The following ART3 variants were observed in gnomAD, a reference collection of about 807,000 sequenced individuals.
ART3 encodes the protein ecto-ADP-ribosyltransferase 3.
A neutral mutation model predicts 48.5 loss-of-function variants in ART3; 49 were observed. That is an observed-to-expected ratio of 1.01 (90% CI 0.80 to 1.28). The LOEUF (loss-of-function observed/expected upper bound fraction) is 1.28, where lower values mean the gene tolerates loss of function less well. ART3 is among the 50% of genes most tolerant of loss of function. The pLI is 0.00. For synonymous variants in ART3, 145 were observed against 157.2 expected (o/e 0.92, Z 0.58); for missense variants, 438 against 454.3 (o/e 0.96, Z 0.33).
chr4:76,106,204 C>G, intron 10 of ART3: 1 of 985,446 alleles, frequency 1.0e-6, no homozygotes, highest in Non-Finnish European at 1.2e-6. Flanking sequence ...TTGTGCTACA[C>G]TTGTCTTCCA....
At chr4:76,072,199 A>G (rs1472459464), upstream of ART3, among the ~76,000 whole-genome samples, 1 of 152,210 alleles carries the variant, frequency 6.6e-6, no homozygotes, top group Non-Finnish European at 1.5e-5. Flanking sequence ...AAACACTTTA[A>G]CTGTATAATA....
chr4:76,036,460 T>C (rs1226944007), intron 1 of ART3, among the ~76,000 whole-genome samples: 2 of 152,116 alleles, frequency 1.3e-5, no homozygotes, highest in African/African-American at 4.8e-5. Context: ...TTTTTTATTA[T>C]CTCACTTTTG....
At chr4:76,014,564 C>G (rs1732089237) in intron 1 of ART3, among the ~76,000 whole-genome samples, 1 of 152,108 alleles carries the variant, frequency 6.6e-6, no homozygotes, top group Non-Finnish European at 1.5e-5. Flanking sequence ...GAGACACCAT[C>G]AAGTGGACCA....
At chr4:76,081,539 TG>T (rs1161649588) in intron 2 of ART3, among the ~76,000 whole-genome samples, 1 of 152,216 alleles carries the variant, frequency 6.6e-6, no homozygotes, top group Non-Finnish European at 1.5e-5. Flanking sequence ...TCACATCCAT[TG>T]TTCTTTGCTC....
At chr4:76,102,892 A>G (rs1195925478) in intron 8 of ART3, among the ~76,000 whole-genome samples, 1 of 152,028 alleles carries the variant, frequency 6.6e-6, no homozygotes, top group African/African-American at 2.4e-5. Flanking sequence ...TTTGGGTTGA[A>G]TTTTTAAAAA....
chr4:76,022,052 T>G lies in ART3; in HGVS notation c.-10+10732T>G, dbSNP rs1732879198. 3.7e-6 allele frequency: 4 copies of G among 1,087,946 alleles called. No homozygotes were observed. In the South Asian group the frequency reaches 5.1e-5, roughly 14 times the overall value. 67.4% of individuals were successfully genotyped at this position (1,087,946 alleles called of 1,614,324 possible). Reference sequence around the variant, plus strand: ...AGTTCATAGAATAGATAACTGAGCTTTCCTGCTGCTATGCATTCATTATGG... The same window carrying G: ...AGTTCATAGAATAGATAACTGAGCTGTCCTGCTGCTATGCATTCATTATGG... On this transcript the variant is annotated intron_variant, in intron 1 of 9. Coordinates refer to the ART3 transcript ENST00000341029.
At chr4:76,054,797 CACTCCAGGCTAGGCTACAGA>C (rs747462316) in intron 1 of ART3, among the ~76,000 whole-genome samples, 1 of 152,204 alleles carries the variant, frequency 6.6e-6, no homozygotes, top group Non-Finnish European at 1.5e-5. Flanking sequence ...TCATCCACTG[CACTCCAGGCTAGGCTACAGA>C]GTGAAACCCT....
intron 1 of ART3, among the ~76,000 whole-genome samples, chr4:76,026,247 C>G (rs1733373621): frequency 6.6e-6 from 1 of 152,016 alleles, no homozygotes; most frequent in South Asian, 2.1e-4. Context: ...GCAGACATGA[C>G]TTTAATTCTC....
chr4:76,021,582 T>G (rs1732816209), intron 1 of ART3: 1 of 236,824 alleles, frequency 4.2e-6, no homozygotes, highest in East Asian at 8.5e-5. Context: ...AGAATTCTGA[T>G]AAACCCCAAA....
At chr4:76,035,920 T>C (rs780049725) in intron 1 of ART3, 2 of 1,611,878 alleles carry the variant, frequency 1.2e-6, no homozygotes, top group South Asian at 1.1e-5. Flanking sequence ...TAAAAATTAC[T>C]GCATACCTTG....
At chr4:76,013,654 C>T (rs1229920971) in intron 1 of ART3, among the ~76,000 whole-genome samples, 1 of 152,148 alleles carries the variant, frequency 6.6e-6, no homozygotes, top group Non-Finnish European at 1.5e-5. Context: ...ATTTTACTCT[C>T]TTGGGGTATT....
Position 76,083,080 on chromosome 4 carries a change from C to T in ART3, c.781+545C>T, listed in dbSNP as rs191889859. Among the ~76,000 whole-genome samples the T allele has an allele frequency of 1.2e-4, 18 of 152,280 alleles. 1 individual carries two copies. In the East Asian group the frequency reaches 3.5e-3, roughly 29 times the overall value. ...AGGCATGGTGGCACATGCCTGTGGT[C>T]CCAGCTGCATGGGAGGCTGAAGTGG... On this transcript the variant is annotated intron_variant, in intron 3 of 11. Coordinates refer to ENST00000355810, the MANE Select transcript of ART3 (RefSeq NM_001130016.3).
At chr4:76,104,086 C>A in intron 9 of ART3, 117 bp downstream of exon 9, 1 of 1,143,122 alleles carries the variant, frequency 8.7e-7, no homozygotes. Flanking sequence ...TTATAGCTAC[C>A]TGCCAGTCAT....
At position 76,100,972 on chromosome 4, in the gene ART3, C is replaced by T; in HGVS notation, c.908-18C>T. 2 of 1,612,968 alleles carry T rather than the reference C, an allele frequency of 1.2e-6. No homozygotes were observed. The highest frequency in any genetic ancestry group is 1.7e-6 in the Non-Finnish European group (2 of 1,179,700). ...TTGTTCCATTGTTAAAACTGATAAG[C>T]TTCTTTTTGTAACTCAGGTGAGAAA... On this transcript the variant is annotated intron_variant, in intron 7 of 11. Transcript: ENST00000355810.
At chr4:76,051,934 G>A (rs528987397) in intron 1 of ART3, among the ~76,000 whole-genome samples, 68 of 106,826 alleles carry the variant, frequency 6.4e-4, no homozygotes, top group African/African-American at 2.2e-3. Context: ...ACAGAGTTTC[G>A]CTCTTGCTGC....
At chr4:76,098,881 A>G in intron 4 of ART3, 74 bp from the exon 5 acceptor site, 1 of 1,250,784 alleles carries the variant, frequency 8.0e-7, no homozygotes, top group Non-Finnish European at 1.1e-6. Context: ...TTTAATGAAC[A>G]TTTAAAAATA....
chr4:76,101,505 C>T (rs60367545), intron 8 of ART3, among the ~76,000 whole-genome samples: 1,918 of 152,244 alleles, frequency 0.013, 46 homozygotes, highest in African/African-American at 0.043. Context: ...GGGTGGCTCA[C>T]GCCTATAATC....
chr4:76,052,890 G>A (rs1448471292), intron 1 of ART3, among the ~76,000 whole-genome samples: 2 of 151,846 alleles, frequency 1.3e-5, no homozygotes, highest in East Asian at 1.9e-4. Flanking sequence ...CACCGCACCA[G>A]GCTAATTTTT....
In ART3 at chr4:76,091,679, CTTT is replaced by C. The variant is rs869226732; in HGVS notation, c.782-5947_782-5945del. ...TATTTTCTCTGAATTTGTAGCTTAT[CTTT>C]TTTTTTTTTTTTTTTTTGAGACAGA... On this transcript the variant is annotated intron_variant, in intron 3 of 11. Coordinates refer to ENST00000355810, the MANE Select transcript of ART3 (RefSeq NM_001130016.3). Among the ~76,000 whole-genome samples the C allele has an allele frequency of 2.6e-3, 296 of 112,290 alleles. 1 individual carries two copies. The highest frequency in any genetic ancestry group is 8.7e-3 in the African/African-American group (232 of 26,592). 73.7% of individuals were successfully genotyped at this position (112,290 alleles called of 152,430 possible).
Sources: allele counts gnomAD v4.1 joint callset (sites outside exome capture counted in the v4.1 genomes callset), GRCh38; gene constraint gnomAD v4.1.1; transcripts MANE v1.5; gene names NCBI Gene and HGNC (gene_info 2026-07-23, HGNC 2026-07-21).